ERBIN: variants seen among roughly 807,000 people sequenced by gnomAD.
ERBIN encodes densin-180-like protein.
ERBIN carries 60 observed loss-of-function variants against 158.4 expected under a neutral mutation model. That is an observed-to-expected ratio of 0.38 (90% CI 0.31 to 0.47). The LOEUF (loss-of-function observed/expected upper bound fraction) is 0.47, where lower values mean the gene tolerates loss of function less well. Ranked by LOEUF, ERBIN falls within the 20% of genes least tolerant of loss-of-function variation. The pLI is 0.99. For synonymous variants in ERBIN, 594 were observed against 557.2 expected (o/e 1.07, Z -0.93); for missense variants, 1,610 against 1,648.0 (o/e 0.98, Z 0.40).
chr5:65,989,143 C>G (rs182798909), intron 2 of ERBIN, among the ~76,000 whole-genome samples: 1 of 152,176 alleles, frequency 6.6e-6, no homozygotes, highest in African/African-American at 2.4e-5. Flanking sequence ...TGAGCAGTTC[C>G]CATGTTGATC....
chr5:66,065,611 G>A (rs1399262917), intron 21 of ERBIN, among the ~76,000 whole-genome samples: 1 of 61,702 alleles, frequency 1.6e-5, no homozygotes, highest in Non-Finnish European at 2.7e-5. Flanking sequence ...GTGTGTGTGT[G>A]TGTGTGTGTG....
At chr5:65,975,598 G>A (rs1161981998) in intron 1 of ERBIN, among the ~76,000 whole-genome samples, 1 of 152,190 alleles carries the variant, frequency 6.6e-6, no homozygotes, top group Non-Finnish European at 1.5e-5. Flanking sequence ...GGGCCACTGC[G>A]CCCGGCTAGA....
intron 20 of ERBIN, 124 bp downstream of exon 20, chr5:66,051,090 AT>A (rs1758975741): frequency 1.7e-6 from 1 of 572,208 alleles, no homozygotes; most frequent in Non-Finnish European, 2.9e-6. Flanking sequence ...AATATGTTTT[AT>A]TTCCCCATTT....
In ERBIN at chr5:66,079,372, A is replaced by ATTTTT. The variant is rs201439322; in HGVS notation, c.*853_*857dup. On this transcript the variant is annotated 3_prime_UTR_variant, in exon 26 of 26. Coordinates refer to ENST00000284037, the MANE Select transcript of ERBIN (RefSeq NM_001253697.2). ...TTTTCTGTGTTATGGAAATCCACTG[A>ATTTTT]TTTTTTTTTTTTTTTCAAATGGTGG... 1 of 133,060 alleles carries ATTTTT rather than the reference A, an allele frequency of 7.5e-6. No individual in the cohort carries two copies. Among genetic ancestry groups the ATTTTT allele is most frequent in the South Asian group, 2.3e-4 (1 of 4,288 alleles). 8.2% of individuals were successfully genotyped at this position (133,060 alleles called of 1,614,324 possible). A position where few individuals can be genotyped will look rare whatever the true frequency, so the allele number is the denominator to read the frequency against.
intron 18 of ERBIN, among the ~76,000 whole-genome samples, 200 bp from the exon 19 acceptor site, chr5:66,048,467 A>G (rs1489519824): frequency 6.6e-6 from 1 of 151,986 alleles, no homozygotes; most frequent in African/African-American, 2.4e-5. Flanking sequence ...TGATTAGGAT[A>G]ATGGTGCCAT....
At chr5:66,004,372 G>T (rs904204589) in intron 4 of ERBIN, among the ~76,000 whole-genome samples, 13 of 151,124 alleles carry the variant, frequency 8.6e-5, no homozygotes, top group African/African-American at 3.2e-4. Context: ...AATTCAGTCT[G>T]TGTGTGCGTG....
At chr5:65,972,842 T>G (rs16894638) in intron 1 of ERBIN, among the ~76,000 whole-genome samples, 11,942 of 151,388 alleles carry the variant, frequency 0.079, 769 homozygotes, top group East Asian at 0.27. Flanking sequence ...GATCTAGCTT[T>G]CTTTGGAAGG....
intron 1 of ERBIN, among the ~76,000 whole-genome samples, chr5:65,949,376 G>A (rs1365832399): frequency 3.3e-5 from 5 of 151,980 alleles, no homozygotes; most frequent in African/African-American, 1.2e-4. Context: ...ATTTAATTTC[G>A]GGCAGGGTAG....
At chr5:65,966,180 A>G (rs1748593954) in intron 1 of ERBIN, among the ~76,000 whole-genome samples, 1 of 152,222 alleles carries the variant, frequency 6.6e-6, no homozygotes. Context: ...CCCTAGTGAT[A>G]TAGCTGTCAT....
At chr5:66,048,892 A>T (rs547068784) in intron 19 of ERBIN, 111 bp downstream of exon 19, 12 of 602,942 alleles carry the variant, frequency 2.0e-5, no homozygotes, top group Middle Eastern at 4.5e-4. Flanking sequence ...TTTAGAAACA[A>T]ATTTTTAGAC....
intron 14 of ERBIN, among the ~76,000 whole-genome samples, chr5:66,036,960 A>T (rs547235363): frequency 6.6e-6 from 1 of 152,248 alleles, no homozygotes; most frequent in South Asian, 2.1e-4. Context: ...TTGACATGTA[A>T]TTCATGTACC....
In ERBIN at chr5:66,076,355, A is replaced by G; in HGVS notation, c.4003A>G (p.Ser1335Gly). The change falls in exon 24 of 26, where the codon AGC becomes GGC. Residue 1335 changes from serine (S) to glycine (G), a missense_variant. Transcript: ENST00000284037. ...RVEKDPELGF[S>G]ISGGVGGRGN... is the part of the protein sequence containing the mutation. ...TGAAAAGGATCCAGAACTTGGATTT[A>G]GCATATCAGGTGGTGTCGGGGGTAG... 1 of 1,613,702 alleles carries G rather than the reference A, an allele frequency of 6.2e-7. No individual in the cohort carries two copies. The highest frequency in any genetic ancestry group is 2.2e-5 in the East Asian group (1 of 44,770).
intron 1 of ERBIN, among the ~76,000 whole-genome samples, chr5:65,956,372 ATT>A (rs1200098319): frequency 0.037 from 4,432 of 121,372 alleles, 194 homozygotes; most frequent in African/African-American, 0.13. Context: ...CTTTCAGGTG[ATT>A]TTTTTTTTTT....
At chr5:66,018,441 A>AATATAATATATATTATATAAT (rs1755038760) in intron 7 of ERBIN, among the ~76,000 whole-genome samples, 1 of 53,164 alleles carries the variant, frequency 1.9e-5, no homozygotes, top group South Asian at 6.2e-4. Context: ...TGATATATAT[A>AATATAATATATATTATATAAT]ATATAATATA....
chr5:66,066,752 C>T (rs374877369), intron 21 of ERBIN, among the ~76,000 whole-genome samples: 8 of 152,266 alleles, frequency 5.3e-5, no homozygotes, highest in African/African-American at 1.7e-4. Context: ...GTAAGTGTTA[C>T]GTTCACTCGT....
At chr5:66,070,138 G>A (rs1321461637) in intron 21 of ERBIN, among the ~76,000 whole-genome samples, 1 of 151,966 alleles carries the variant, frequency 6.6e-6, no homozygotes, top group Non-Finnish European at 1.5e-5. Context: ...TCCGCCTCCC[G>A]AGTTCAAGCG....
At chr5:65,972,944 G>GT (rs1195866556) in intron 1 of ERBIN, among the ~76,000 whole-genome samples, 2 of 151,116 alleles carry the variant, frequency 1.3e-5, no homozygotes, top group African/African-American at 4.9e-5. Flanking sequence ...CAATTCCTAC[G>GT]TTTTTTTCGG....
Position 66,012,054 on chromosome 5 carries a change from C to A in ERBIN, c.313C>A (p.Gln105Lys). 1 of 1,595,426 alleles carries A rather than the reference C, an allele frequency of 6.3e-7. No individual in the cohort carries two copies. Among genetic ancestry groups the A allele is most frequent in the Non-Finnish European group, 8.6e-7 (1 of 1,166,764 alleles). The change falls in exon 5 of 26, where the codon CAG becomes AAG. Residue 105 changes from glutamine to lysine, a missense_variant. Physicochemically the swap from Gln to Lys is moderately conservative, Grantham distance 53. Coordinates refer to ENST00000284037, the MANE Select transcript of ERBIN (RefSeq NM_001253697.2). ...RELDVSKNGI[Q>K]EFPENIKNCK... ...GATCGTTGTTTGTTTTCTAGGAATA[C>A]AGGAGTTTCCAGAAAATATAAAAAA...
intron 4 of ERBIN, among the ~76,000 whole-genome samples, chr5:66,004,290 T>G (rs1380373738): frequency 1.3e-5 from 2 of 152,060 alleles, no homozygotes; most frequent in Non-Finnish European, 2.9e-5. Context: ...AGAAGAAGCA[T>G]TATTTATTGA....
Sources: allele counts gnomAD v4.1 joint callset (sites outside exome capture counted in the v4.1 genomes callset), GRCh38; gene constraint gnomAD v4.1.1; transcripts MANE v1.5; gene names NCBI Gene and HGNC (gene_info 2026-07-23, HGNC 2026-07-21).